NTM: variants seen among roughly 807,000 people sequenced by gnomAD.
The protein encoded by NTM is neurotrimin.
A neutral mutation model predicts 42.1 loss-of-function variants in NTM; 13 were observed. The ratio of observed to expected loss-of-function variants is 0.31; its 90% CI spans 0.20 to 0.49. The LOEUF is 0.49. Ranked by LOEUF, NTM falls within the 20% of genes least tolerant of loss-of-function variation. The pLI is 0.99. For synonymous variants in NTM, 187 were observed against 179.2 expected, an observed-to-expected ratio of 1.04 and a Z score of -0.35; for missense variants, 373 against 452.8, an observed-to-expected ratio of 0.82 and a Z score of 1.60.
intron 1 of NTM, among the ~76,000 whole-genome samples, chr11:131,724,917 T>C (rs986841934): frequency 6.6e-6 from 1 of 152,112 alleles, no homozygotes; most frequent in Non-Finnish European, 1.5e-5. Flanking sequence ...GCTTGGAGCT[T>C]GGACTGTGTG....
chr11:131,424,128 G>A (rs1303342403), intron 1 of NTM, among the ~76,000 whole-genome samples: 2 of 152,058 alleles, frequency 1.3e-5, no homozygotes, highest in Non-Finnish European at 2.9e-5. Flanking sequence ...TTTGACTGAC[G>A]TTATGATGAT....
At position 131,591,131 on chromosome 11, in the gene NTM, G is replaced by T. The variant is rs1268114331; in HGVS notation, c.82+220243G>T. Among the ~76,000 whole-genome samples the T allele has an allele frequency of 2.6e-5, 4 of 152,188 alleles. No homozygotes were observed. The East Asian group carries it at 7.7e-4, about 29-fold the overall frequency. ...CTTCAACTTCTTAGGGAAATTTCTTGCCAGCTCAGCTGTTAAGACTCAAAT... is the reference window on the plus strand; with the variant it reads ...CTTCAACTTCTTAGGGAAATTTCTTTCCAGCTCAGCTGTTAAGACTCAAAT... On this transcript the variant is annotated intron_variant, in intron 1 of 8. Coordinates refer to ENST00000683400, the MANE Select transcript of NTM (RefSeq NM_001352005.2).
chr11:131,826,404 A>G (rs1248554914), intron 1 of NTM, among the ~76,000 whole-genome samples: 2 of 152,050 alleles, frequency 1.3e-5, no homozygotes, highest in Non-Finnish European at 2.9e-5. Flanking sequence ...AAGAAGGTAG[A>G]TGATATGGGA....
intron 1 of NTM, among the ~76,000 whole-genome samples, chr11:131,842,482 C>T (rs552340866): frequency 1.5e-4 from 23 of 152,190 alleles, no homozygotes; most frequent in African/African-American, 4.8e-4. Context: ...AATAGAGCAT[C>T]GAGAGGCAGT....
At chr11:131,526,501 T>C (rs2050506250) in intron 1 of NTM, among the ~76,000 whole-genome samples, 1 of 152,230 alleles carries the variant, frequency 6.6e-6, no homozygotes, top group African/African-American at 2.4e-5. Context: ...ATCATCTTTG[T>C]ACATTTTAAT....
chr11:132,089,203 C>G (rs1259782105), intron 2 of NTM, among the ~76,000 whole-genome samples: 1 of 152,246 alleles, frequency 6.6e-6, no homozygotes, highest in Non-Finnish European at 1.5e-5. Flanking sequence ...TCCCAAGAAA[C>G]TGTTACCATG....
chr11:131,694,735 G>C (rs1458353774), intron 1 of NTM, among the ~76,000 whole-genome samples: 1 of 152,208 alleles, frequency 6.6e-6, no homozygotes, highest in Non-Finnish European at 1.5e-5. Flanking sequence ...TGAAGGAGCA[G>C]ATTTGGTTTT....
intron 1 of NTM, among the ~76,000 whole-genome samples, chr11:131,484,331 A>T (rs1372332709): frequency 6.6e-6 from 1 of 152,232 alleles, no homozygotes; most frequent in African/African-American, 2.4e-5. Flanking sequence ...GACTATGAGG[A>T]TGCCAGTAAA....
chr11:131,595,221 G>A (rs1434471876), intron 1 of NTM, among the ~76,000 whole-genome samples: 4 of 152,250 alleles, frequency 2.6e-5, no homozygotes, highest in Middle Eastern at 3.4e-3. Context: ...AATCCTAGGC[G>A]TGGTCCACCA....
At chr11:131,452,786 A>C (rs927204646) in intron 1 of NTM, among the ~76,000 whole-genome samples, 2 of 152,168 alleles carry the variant, frequency 1.3e-5, no homozygotes, top group Non-Finnish European at 2.9e-5. Flanking sequence ...AATACTTAGA[A>C]TCAGGCCACA....
chr11:132,009,449 A>G (rs147537697), intron 2 of NTM, among the ~76,000 whole-genome samples: 1 of 152,124 alleles, frequency 6.6e-6, no homozygotes, highest in Non-Finnish European at 1.5e-5. Context: ...AAGAAAGGGA[A>G]TAAAATCCTA....
intron 7 of NTM, among the ~76,000 whole-genome samples, chr11:132,325,765 C>T (rs2095666012): frequency 1.3e-5 from 2 of 152,158 alleles, no homozygotes; most frequent in South Asian, 4.1e-4. Flanking sequence ...TTGGAACCAA[C>T]CTAAATTTCC....
intron 1 of NTM, among the ~76,000 whole-genome samples, chr11:131,598,844 TC>T (rs370426090): frequency 4.8e-4 from 18 of 37,414 alleles, no homozygotes; most frequent in African/African-American, 1.2e-3. Context: ...TTTCTTTCTT[TC>T]TTTCTTCCTT....
intron 1 of NTM, chr11:131,537,542 T>G (rs1200293551): frequency 6.6e-6 from 1 of 152,186 alleles, no homozygotes; most frequent in African/African-American, 2.4e-5. Flanking sequence ...TTACTTAAGG[T>G]CCTTCCTGGG....
intron 4 of NTM, among the ~76,000 whole-genome samples, chr11:132,292,196 A>C (rs894849208): frequency 6.6e-6 from 1 of 152,218 alleles, no homozygotes; most frequent in Non-Finnish European, 1.5e-5. Context: ...GATAGCGGGA[A>C]GGGAAGACAT....
At chr11:131,641,250 T>C (rs1469057164) in intron 1 of NTM, among the ~76,000 whole-genome samples, 1 of 152,212 alleles carries the variant, frequency 6.6e-6, no homozygotes, top group East Asian at 1.9e-4. Context: ...AGTCGGAGTT[T>C]TACTTGATAT....
chr11:132,230,154 G>T (rs751239501), intron 4 of NTM, among the ~76,000 whole-genome samples: 1 of 152,138 alleles, frequency 6.6e-6, no homozygotes, highest in South Asian at 2.1e-4. Context: ...CCTGAGAGTC[G>T]ATGTATCTTC....
intron 8 of NTM, among the ~76,000 whole-genome samples, chr11:132,331,571 CCTT>C (rs551474826): frequency 3.3e-4 from 51 of 152,318 alleles, no homozygotes; most frequent in African/African-American, 1.2e-3. Flanking sequence ...AATGCCCCCT[CCTT>C]CTTTCAACAA....
chr11:131,531,439 T>C (rs544018604), intron 1 of NTM, among the ~76,000 whole-genome samples: 2 of 152,348 alleles, frequency 1.3e-5, no homozygotes, highest in South Asian at 4.1e-4. Context: ...TGAACTGCTG[T>C]GCTCTTCCCA....
Sources: gnomAD v4.1 joint callset for allele counts (sites outside exome capture counted in the v4.1 genomes callset) on GRCh38, gnomAD v4.1.1 for gene constraint, MANE v1.5 for transcripts, NCBI Gene and HGNC (gene_info 2026-07-23, HGNC 2026-07-21) for gene names.